Variants in CSMD3 observed in about 807,000 individuals in gnomAD.
The protein encoded by CSMD3 is CUB and Sushi multiple domains 3.
Under a neutral mutation model 435.2 loss-of-function variants are expected in CSMD3, and 177 were observed. That is an observed-to-expected ratio of 0.41 (90% CI 0.36 to 0.46). The LOEUF is 0.46. CSMD3 is among the 20% of genes least tolerant of loss of function. The pLI is 0.34. For missense variants in CSMD3, 4,265 were observed against 4,504.6 expected, an observed-to-expected ratio of 0.95 and a Z score of 1.52; for synonymous variants, 1,656 against 1,520.5, an observed-to-expected ratio of 1.09 and a Z score of -2.07.
At chr8:113,399,106 T>TATATATATATATACACAC (rs773585004) in intron 1 of CSMD3, among the ~76,000 whole-genome samples, 343 of 94,992 alleles carry the variant, frequency 3.6e-3, no homozygotes, top group Middle Eastern at 0.013. Flanking sequence ...TATATATATA[T>TATATATATATATACACAC]ACACACACAC....
Position 112,636,808 on chromosome 8 carries a change from AC to A in CSMD3, c.3715+8del. On this transcript the variant is annotated splice_region_variant and intron_variant, in intron 22 of 70. Coordinates refer to ENST00000297405, the MANE Select transcript of CSMD3 (RefSeq NM_198123.2). Reference sequence around the variant, plus strand: ...ACATACAAGCAAATGAAAGCAGCTGACCACGTACCCACACACCTTGGCAGAG... The same window carrying A: ...ACATACAAGCAAATGAAAGCAGCTGACACGTACCCACACACCTTGGCAGAG... The A allele has an allele frequency of 6.2e-7, 1 of 1,611,734 alleles. No homozygotes were observed. The highest frequency in any genetic ancestry group is 8.5e-7 in the Non-Finnish European group (1 of 1,178,198).
At chr8:113,038,752 G>A (rs1312164425) in intron 5 of CSMD3, among the ~76,000 whole-genome samples, 1 of 152,078 alleles carries the variant, frequency 6.6e-6, no homozygotes, top group Non-Finnish European at 1.5e-5. Flanking sequence ...AGGGAAGAAA[G>A]ACCATAATAT....
At chr8:113,390,263 C>G (rs998963258) in intron 1 of CSMD3, among the ~76,000 whole-genome samples, 2 of 151,740 alleles carry the variant, frequency 1.3e-5, no homozygotes, top group African/African-American at 4.8e-5. Flanking sequence ...TCTTTCAAAT[C>G]TGTTACTGTC....
intron 13 of CSMD3, among the ~76,000 whole-genome samples, chr8:112,780,714 G>C (rs1184591539): frequency 6.6e-6 from 1 of 152,054 alleles, no homozygotes; most frequent in Non-Finnish European, 1.5e-5. Flanking sequence ...TGCCCTGTCA[G>C]AGTGGAAAGC....
intron 10 of CSMD3, among the ~76,000 whole-genome samples, chr8:112,911,712 TTA>T (rs1564095386): frequency 1.4e-5 from 2 of 146,372 alleles, no homozygotes; most frequent in African/African-American, 2.5e-5. Context: ...TATGTATGTA[TTA>T]TGTTATATAT....
At chr8:112,379,637 A>G (rs1352755722) in intron 38 of CSMD3, among the ~76,000 whole-genome samples, 1 of 152,196 alleles carries the variant, frequency 6.6e-6, no homozygotes, top group Non-Finnish European at 1.5e-5. Flanking sequence ...GCTTATCAAA[A>G]TCTCTGACAA....
intron 31 of CSMD3, among the ~76,000 whole-genome samples, chr8:112,491,780 A>G (rs1041243174): frequency 2.0e-5 from 3 of 152,162 alleles, no homozygotes; most frequent in Admixed American, 2.0e-4. Flanking sequence ...TCACAACCCA[A>G]TGAATTGATT....
chr8:113,147,881 A>T (rs1157791019), intron 4 of CSMD3, among the ~76,000 whole-genome samples: 1 of 151,422 alleles, frequency 6.6e-6, no homozygotes, highest in African/African-American at 2.4e-5. Flanking sequence ...GCACATTATT[A>T]CCTCTCCCTC....
chr8:112,665,166 C>A (rs576536914), intron 17 of CSMD3, among the ~76,000 whole-genome samples: 18 of 152,166 alleles, frequency 1.2e-4, no homozygotes, highest in Non-Finnish European at 2.1e-4. Flanking sequence ...AAGTCAAATG[C>A]GAAGTTGTAA....
At chr8:112,330,668 A>C (rs1823956049) in intron 45 of CSMD3, among the ~76,000 whole-genome samples, 1 of 151,870 alleles carries the variant, frequency 6.6e-6, no homozygotes. Flanking sequence ...TAAATGAAGC[A>C]ATAAGAAGCT....
At chr8:113,037,864 A>C (rs1466904693) in intron 5 of CSMD3, among the ~76,000 whole-genome samples, 1 of 152,198 alleles carries the variant, frequency 6.6e-6, no homozygotes. Context: ...CACATTCAGG[A>C]ATAATTTTGA....
At chr8:112,857,561 T>G (rs946735997) in intron 11 of CSMD3, among the ~76,000 whole-genome samples, 1 of 151,790 alleles carries the variant, frequency 6.6e-6, no homozygotes, top group Non-Finnish European at 1.5e-5. Flanking sequence ...TTGCTTCATG[T>G]CTATCTTGGA....
Position 112,880,502 on chromosome 8 carries a change from C to T in CSMD3, c.1634-21236G>A, listed in dbSNP as rs75158137. Among the ~76,000 whole-genome samples the T allele has an allele frequency of 5.2e-3, 794 of 152,046 alleles. 15 individuals carry two copies. Among genetic ancestry groups the T allele is most frequent in the African/African-American group, 0.018 (764 of 41,500 alleles). The stretch of plus-strand genomic sequence containing the variant: ...TGGTGGTGATGTCAGAACTGAATCT[C>T]GAAAAGTCAGGATGCATAATCTTAG... On this transcript the variant is annotated intron_variant, in intron 10 of 70. Transcript: ENST00000297405.
At chr8:113,154,615 T>C (rs969080590) in intron 4 of CSMD3, among the ~76,000 whole-genome samples, 1 of 151,966 alleles carries the variant, frequency 6.6e-6, no homozygotes, top group African/African-American at 2.4e-5. Context: ...GAAGAATGAA[T>C]ATAGTGAATA....
intron 2 of CSMD3, chr8:113,309,293 C>G (rs771478666): frequency 6.6e-6 from 1 of 152,046 alleles, no homozygotes; most frequent in Non-Finnish European, 1.5e-5. Context: ...CATGGGTATA[C>G]TGCATGATGC....
intron 13 of CSMD3, among the ~76,000 whole-genome samples, chr8:112,771,857 C>A (rs376194296): frequency 6.6e-6 from 1 of 151,812 alleles, no homozygotes; most frequent in East Asian, 2.0e-4. Context: ...CACATCTACA[C>A]AACAATATTG....
At chr8:112,543,892 C>T (rs1233860924) in intron 27 of CSMD3, among the ~76,000 whole-genome samples, 1 of 152,030 alleles carries the variant, frequency 6.6e-6, no homozygotes. Flanking sequence ...GATTTGGTCT[C>T]TAAAAGAAGG....
chr8:112,824,543 T>C lies in CSMD3; in HGVS notation c.1859+5143A>G, dbSNP rs186483452. Among the ~76,000 whole-genome samples the C allele has an allele frequency of 1.7e-3, 254 of 152,312 alleles. 1 individual carries two copies. Among genetic ancestry groups the C allele is most frequent in the Non-Finnish European group, 1.3e-3 (90 of 68,026 alleles). On this transcript the variant is annotated intron_variant, in intron 12 of 70. Transcript: ENST00000297405. ...GCATTTTCTTCTTTTGAAAGGGTTT[T>C]ATTTCTCCTTTGCTTATGAAGCTTA... is the stretch of plus-strand genomic sequence containing the variant.
intron 11 of CSMD3, among the ~76,000 whole-genome samples, chr8:112,833,493 G>C (rs1190416836): frequency 6.6e-6 from 1 of 151,960 alleles, no homozygotes; most frequent in African/African-American, 2.4e-5. Context: ...AAAAACATTT[G>C]TAAATTATTT....
Sources: gnomAD v4.1 joint callset for allele counts (sites outside exome capture counted in the v4.1 genomes callset) on GRCh38, gnomAD v4.1.1 for gene constraint, MANE v1.5 for transcripts, NCBI Gene and HGNC (gene_info 2026-07-23, HGNC 2026-07-21) for gene names.